The following GRIK4 variants were observed in gnomAD, a reference collection of about 807,000 sequenced individuals.
The protein encoded by GRIK4 is glutamate receptor ionotropic, kainate 4.
In GRIK4, 40 loss-of-function variants were observed where a neutral mutation model predicts 104.9. The observed-to-expected ratio is 0.38, with a 90% CI of 0.30 to 0.50. The LOEUF (loss-of-function observed/expected upper bound fraction) is 0.50, where lower values mean the gene tolerates loss of function less well. GRIK4 is among the 20% of genes least tolerant of loss of function. The pLI is 0.93. For missense variants in GRIK4, 1,047 were observed against 1,308.1 expected, an observed-to-expected ratio of 0.80 and a Z score of 3.08; for synonymous variants, 485 against 524.9, an observed-to-expected ratio of 0.92 and a Z score of 1.04.
Position 120,572,277 on chromosome 11 carries a change from C to T in GRIK4, c.-159+60390C>T, listed in dbSNP as rs114356513. Among the ~76,000 whole-genome samples, 646 of 152,298 alleles carry T rather than the reference C, an allele frequency of 4.2e-3. 4 individuals carry two copies. The highest frequency in any genetic ancestry group is 0.014 in the African/African-American group (585 of 41,558). On this transcript the variant is annotated intron_variant, in intron 1 of 20. Coordinates refer to ENST00000527524, the MANE Select transcript of GRIK4 (RefSeq NM_014619.5). ...TACTTCGTCACCTTGGGGGGTAAGA[C>T]GTTCAACACCGGAATTTTGAGGGAT...
intron 1 of GRIK4, among the ~76,000 whole-genome samples, chr11:120,587,555 A>G (rs190620273): frequency 2.0e-5 from 3 of 152,324 alleles, no homozygotes; most frequent in Non-Finnish European, 2.9e-5. Flanking sequence ...TATTATTATC[A>G]TGATGTCTCC....
intron 4 of GRIK4, among the ~76,000 whole-genome samples, chr11:120,808,949 C>T (rs1354234218): frequency 6.6e-6 from 1 of 152,174 alleles, no homozygotes; most frequent in Non-Finnish European, 1.5e-5. Flanking sequence ...GAGCACTGAG[C>T]AGCTCCTCAC....
chr11:120,964,175 A>G lies in GRIK4; in HGVS notation c.2266+1494A>G, dbSNP rs577273816. Among the ~76,000 whole-genome samples, 249 of 152,044 alleles carry G rather than the reference A, an allele frequency of 1.6e-3. 1 individual carries two copies. The highest frequency in any genetic ancestry group is 5.9e-3 in the African/African-American group (243 of 41,450). ...CCCAGCTAATTTTTGTATTTTTGGTAGAGACGGGGTTTCACCATGTTGGCC... is the reference window on the plus strand; with the variant it reads ...CCCAGCTAATTTTTGTATTTTTGGTGGAGACGGGGTTTCACCATGTTGGCC... On this transcript the variant is annotated intron_variant, in intron 18 of 20. Coordinates refer to ENST00000527524, the MANE Select transcript of GRIK4 (RefSeq NM_014619.5).
At chr11:120,750,182 G>C (rs555393288) in intron 3 of GRIK4, among the ~76,000 whole-genome samples, 1 of 152,128 alleles carries the variant, frequency 6.6e-6, no homozygotes, top group Admixed American at 6.5e-5. Context: ...TGGCAACCCT[G>C]AAAGAGGGGG....
chr11:120,514,215 T>C (rs1947696243), intron 1 of GRIK4, among the ~76,000 whole-genome samples: 1 of 152,148 alleles, frequency 6.6e-6, no homozygotes, highest in Admixed American at 6.5e-5. Context: ...AGGATGCATC[T>C]CTTGGTGCTT....
chr11:120,652,175 A>C (rs937124069), intron 1 of GRIK4, among the ~76,000 whole-genome samples: 1 of 152,248 alleles, frequency 6.6e-6, no homozygotes, highest in Non-Finnish European at 1.5e-5. Flanking sequence ...AGTACTTTGC[A>C]TATAGTAAAT....
At chr11:120,702,434 G>A (rs924832004) in intron 3 of GRIK4, among the ~76,000 whole-genome samples, 1 of 152,216 alleles carries the variant, frequency 6.6e-6, no homozygotes, top group Non-Finnish European at 1.5e-5. Context: ...TGAGTCTAGA[G>A]TTCAAGTGAC....
intron 3 of GRIK4, among the ~76,000 whole-genome samples, chr11:120,768,032 T>G (rs970921333): frequency 4.3e-5 from 5 of 117,036 alleles, no homozygotes; most frequent in African/African-American, 1.7e-4. Context: ...ATATTAAGGG[T>G]TTTTTTTTTT....
chr11:120,986,643 T>G lies in GRIK4; in HGVS notation c.*383T>G. On this transcript the variant is annotated 3_prime_UTR_variant, in exon 21 of 21. Coordinates refer to ENST00000527524, the MANE Select transcript of GRIK4 (RefSeq NM_014619.5). ...ATTTCCCCCTAGTCAGGGGCCAATG[T>G]ACCCTCCGTCTAGTTCTTACAGAAA... is the stretch of plus-strand genomic sequence containing the variant. 1 of 178,500 alleles carries G rather than the reference T, an allele frequency of 5.6e-6. No individual in the cohort carries two copies. 11.1% of individuals were successfully genotyped at this position (178,500 alleles called of 1,614,324 possible). A position where few individuals can be genotyped will look rare whatever the true frequency, so the allele number is the denominator to read the frequency against.
At chr11:120,909,915 G>A (rs1314036903) in intron 13 of GRIK4, among the ~76,000 whole-genome samples, 4 of 152,218 alleles carry the variant, frequency 2.6e-5, no homozygotes, top group Non-Finnish European at 5.9e-5. Flanking sequence ...CATGTTGGAA[G>A]CTTAATCTGC....
At chr11:120,744,614 AG>A (rs1951406197) in intron 3 of GRIK4, among the ~76,000 whole-genome samples, 1 of 152,184 alleles carries the variant, frequency 6.6e-6, no homozygotes, top group Non-Finnish European at 1.5e-5. Context: ...AGGAGTAAAG[AG>A]GAAGCAGGAG....
chr11:120,867,778 A>G (rs984589063), intron 9 of GRIK4, among the ~76,000 whole-genome samples: 11 of 151,868 alleles, frequency 7.2e-5, no homozygotes, highest in Admixed American at 6.6e-4. Flanking sequence ...ACCTGAGACA[A>G]TGCAAGCAGA....
chr11:120,979,266 A>G (rs1207308614), intron 19 of GRIK4, among the ~76,000 whole-genome samples: 1 of 152,242 alleles, frequency 6.6e-6, no homozygotes, highest in African/African-American at 2.4e-5. Flanking sequence ...ATATTTGTAA[A>G]AACTTCATTA....
At chr11:120,935,218 G>A (rs531513596) in intron 13 of GRIK4, among the ~76,000 whole-genome samples, 9 of 152,214 alleles carry the variant, frequency 5.9e-5, no homozygotes, top group Admixed American at 3.9e-4. Flanking sequence ...TATTCCAGAC[G>A]GTGGAATAAT....
At chr11:120,663,573 T>C (rs888679951) in intron 3 of GRIK4, among the ~76,000 whole-genome samples, 1 of 152,198 alleles carries the variant, frequency 6.6e-6, no homozygotes, top group African/African-American at 2.4e-5. Context: ...CCCTAACACC[T>C]TGAGACTCAT....
At chr11:120,818,963 A>C (rs1023066685) in intron 5 of GRIK4, among the ~76,000 whole-genome samples, 1 of 152,206 alleles carries the variant, frequency 6.6e-6, no homozygotes, top group African/African-American at 2.4e-5. Context: ...TTACCTACCA[A>C]ATAGCCTAAG....
intron 13 of GRIK4, among the ~76,000 whole-genome samples, chr11:120,934,517 C>G (rs1279044418): frequency 6.6e-6 from 1 of 152,130 alleles, no homozygotes; most frequent in East Asian, 1.9e-4. Flanking sequence ...CCACGCCAAG[C>G]CTTCAGGCTT....
chr11:120,591,777 G>T (rs565179877), intron 1 of GRIK4, among the ~76,000 whole-genome samples: 7 of 152,278 alleles, frequency 4.6e-5, no homozygotes, highest in African/African-American at 1.4e-4. Flanking sequence ...GCTGATGCTT[G>T]CATTTTTATA....
At chr11:120,652,756 T>A (rs1949638057) in intron 1 of GRIK4, among the ~76,000 whole-genome samples, 1 of 152,138 alleles carries the variant, frequency 6.6e-6, no homozygotes, top group Non-Finnish European at 1.5e-5. Context: ...ATCAGCCTCC[T>A]CTCTGACCCA....
Sources: allele counts gnomAD v4.1 joint callset (sites outside exome capture counted in the v4.1 genomes callset), GRCh38; gene constraint gnomAD v4.1.1; transcripts MANE v1.5; gene names NCBI Gene and HGNC (gene_info 2026-07-23, HGNC 2026-07-21).